The following LMNTD1 variants were observed in gnomAD, a reference collection of about 807,000 sequenced individuals.
LMNTD1 encodes the protein lamin tail domain containing 1.
A neutral mutation model predicts 50.9 loss-of-function variants in LMNTD1; 35 were observed. That is an observed-to-expected ratio of 0.69 (90% CI 0.53 to 0.91). LMNTD1 has a LOEUF of 0.91. LMNTD1 is among the 40% of genes least tolerant of loss of function. The probability of loss-of-function intolerance (pLI) is 0.00; values close to 1 mark genes in which losing one functional copy is unlikely to be tolerated. For missense variants in LMNTD1, 470 were observed against 475.5 expected (o/e 0.99, Z 0.11); for synonymous variants, 153 against 161.9 (o/e 0.94, Z 0.42).
chr12:25,622,688 T>C (rs934813013), intron 1 of LMNTD1, among the ~76,000 whole-genome samples: 3 of 152,110 alleles, frequency 2.0e-5, no homozygotes, highest in Non-Finnish European at 4.4e-5. Context: ...TGACAGCAAA[T>C]GTATAGTGTC....
At chr12:25,615,388 G>A (rs1946332653) in intron 1 of LMNTD1, among the ~76,000 whole-genome samples, 1 of 152,162 alleles carries the variant, frequency 6.6e-6, no homozygotes, top group African/African-American at 2.4e-5. Flanking sequence ...AGCCAGAGAA[G>A]GTTGTGAAGA....
At chr12:25,617,372 A>T (rs1342740961) in intron 1 of LMNTD1, among the ~76,000 whole-genome samples, 3 of 152,140 alleles carry the variant, frequency 2.0e-5, no homozygotes, top group Non-Finnish European at 2.9e-5. Context: ...CAGACACTTC[A>T]CTGACATCAG....
chr12:25,565,935 T>TA (rs1424091747), intron 1 of LMNTD1, among the ~76,000 whole-genome samples: 21 of 152,342 alleles, frequency 1.4e-4, no homozygotes, highest in African/African-American at 4.3e-4. Flanking sequence ...TCCTGGCCTG[T>TA]AATGTTTCCA....
chr12:25,491,289 G>A (rs914172528), intron 9 of LMNTD1, among the ~76,000 whole-genome samples: 2 of 152,210 alleles, frequency 1.3e-5, no homozygotes, highest in Non-Finnish European at 2.9e-5. Flanking sequence ...TATCTGAAAT[G>A]TGTTTCTTTT....
chr12:25,596,914 A>G (rs1225313985), intron 1 of LMNTD1, among the ~76,000 whole-genome samples: 1 of 91,078 alleles, frequency 1.1e-5, no homozygotes, highest in Non-Finnish European at 2.4e-5. Context: ...AATTGGGGAC[A>G]TAGTTAAGGC....
intron 1 of LMNTD1, among the ~76,000 whole-genome samples, chr12:25,578,262 A>G (rs1348282863): frequency 6.6e-6 from 1 of 152,140 alleles, no homozygotes; most frequent in Non-Finnish European, 1.5e-5. Flanking sequence ...AATGACACCT[A>G]GGGAGGAGGA....
chr12:25,619,834 C>T (rs372365554), intron 1 of LMNTD1, among the ~76,000 whole-genome samples: 3 of 152,328 alleles, frequency 2.0e-5, no homozygotes, highest in African/African-American at 7.2e-5. Context: ...AAATAATTCT[C>T]ACCAAGACTG....
In LMNTD1 at chr12:25,486,628, A is replaced by G. The variant is rs546696368; in HGVS notation, c.*23-10168T>C. 2.0e-5 allele frequency among the ~76,000 whole-genome samples: 3 copies of G among 149,698 alleles called. No individual in the cohort carries two copies. In the South Asian group the frequency reaches 6.7e-4, roughly 33 times the overall value. ...CCAGTTTTTGCCCATTCAGTATGAT[A>G]TTGGCTGTGGGTTTGTCATAGATAG... On this transcript the variant is annotated intron_variant, in intron 9 of 9. Coordinates refer to ENST00000458174, the MANE Select transcript of LMNTD1 (RefSeq NM_001145728.2).
At chr12:25,482,873 C>T (rs935958589) in intron 9 of LMNTD1, among the ~76,000 whole-genome samples, 9 of 151,886 alleles carry the variant, frequency 5.9e-5, no homozygotes, top group South Asian at 2.1e-4. Flanking sequence ...TCTGTGTTCA[C>T]GGAAAAGAAT....
In LMNTD1 at chr12:25,528,909, A is replaced by T. The variant is rs538491833; in HGVS notation, c.492-1954T>A. Among the ~76,000 whole-genome samples the T allele has an allele frequency of 4.6e-5, 7 of 152,306 alleles. No individual in the cohort carries two copies. The South Asian group carries it at 1.5e-3, about 32-fold the overall frequency. ...CACCTTAAAAAAGAAAAAAGAGAAG[A>T]GTCCTTCTCCAGCTTACAATTCCTA... On this transcript the variant is annotated intron_variant, in intron 4 of 9. Coordinates refer to ENST00000458174, the MANE Select transcript of LMNTD1 (RefSeq NM_001145728.2).
rs571714132 is a variant in LMNTD1 at position 25,490,077 on chromosome 12, G to A, written c.*23-13617C>T. On this transcript the variant is annotated intron_variant, in intron 9 of 9. Coordinates refer to ENST00000458174, the MANE Select transcript of LMNTD1 (RefSeq NM_001145728.2). ...TGCTTCTCCACCCCACAATTTGTTCGGTATCTGAAGGCTTTGGATAAGCCT... is the reference window on the plus strand; with the variant it reads ...TGCTTCTCCACCCCACAATTTGTTCAGTATCTGAAGGCTTTGGATAAGCCT... Among the ~76,000 whole-genome samples, 10 of 152,270 alleles carry A rather than the reference G, an allele frequency of 6.6e-5. No homozygotes were observed. The South Asian group carries it at 1.9e-3, about 28-fold the overall frequency.
At chr12:25,479,924 G>C (rs1938392828) in intron 9 of LMNTD1, among the ~76,000 whole-genome samples, 1 of 152,150 alleles carries the variant, frequency 6.6e-6, no homozygotes, top group African/African-American at 2.4e-5. Flanking sequence ...TGTCAGCCTT[G>C]GCGAGTGGAA....
chr12:25,519,791 T>C, intron 7 of LMNTD1, 67 bp downstream of exon 7: 1 of 1,029,136 alleles, frequency 9.7e-7, no homozygotes, highest in Admixed American at 1.8e-5. Context: ...CATCTAGTCG[T>C]TCCCACATGC....
chr12:25,571,072 G>A (rs1944767821), intron 1 of LMNTD1, among the ~76,000 whole-genome samples: 1 of 152,198 alleles, frequency 6.6e-6, no homozygotes. Flanking sequence ...TTAATGATCT[G>A]TTGTTGCTGC....
chr12:25,561,174 C>T (rs887858073), intron 1 of LMNTD1, among the ~76,000 whole-genome samples: 5 of 151,934 alleles, frequency 3.3e-5, no homozygotes, highest in East Asian at 3.9e-4. Flanking sequence ...TTATTTCTTG[C>T]CTTCTGCTAG....
intron 1 of LMNTD1, among the ~76,000 whole-genome samples, chr12:25,583,917 G>A (rs1945413364): frequency 6.6e-6 from 1 of 152,160 alleles, no homozygotes. Context: ...GTCTTTAAAG[G>A]ACTACTTTGG....
chr12:25,638,447 A>G lies in LMNTD1; in HGVS notation c.58+10047T>C, dbSNP rs557532828. On this transcript the variant is annotated intron_variant, in intron 1 of 7. Transcript: ENST00000445693. Reference sequence around the variant, plus strand: ...TCCTGTATGTAGAAAATACTAAACAACTTACTAAAAGCCTATTAGAATAAA... The same window carrying G: ...TCCTGTATGTAGAAAATACTAAACAGCTTACTAAAAGCCTATTAGAATAAA... Among the ~76,000 whole-genome samples, 39 of 152,230 alleles carry G rather than the reference A, an allele frequency of 2.6e-4. 1 individual carries two copies. The South Asian group carries it at 7.5e-3, about 29-fold the overall frequency.
At chr12:25,560,999 C>G (rs934131438) in intron 1 of LMNTD1, among the ~76,000 whole-genome samples, 1 of 152,196 alleles carries the variant, frequency 6.6e-6, no homozygotes, top group Non-Finnish European at 1.5e-5. Context: ...TTGACTTTCT[C>G]TTTTCCTAAT....
chr12:25,547,632 C>T (rs12578831), intron 3 of LMNTD1, among the ~76,000 whole-genome samples: 19,889 of 151,336 alleles, frequency 0.13, 1,293 homozygotes, highest in East Asian at 0.2. Flanking sequence ...AAGTATTTTG[C>T]TGAGAAAAAA....
Sources: allele counts gnomAD v4.1 joint callset (sites outside exome capture counted in the v4.1 genomes callset), GRCh38; gene constraint gnomAD v4.1.1; transcripts MANE v1.5; gene names NCBI Gene and HGNC (gene_info 2026-07-23, HGNC 2026-07-21).